Variants in DAB1 observed in about 807,000 individuals in gnomAD.
DAB1 encodes disabled homolog 1.
A neutral mutation model predicts 64.6 loss-of-function variants in DAB1; 15 were observed. The ratio of observed to expected loss-of-function variants is 0.23; its 90% CI spans 0.16 to 0.36. The LOEUF is 0.36. DAB1 is among the 10% of genes least tolerant of loss of function. The probability of loss-of-function intolerance (pLI) is 1.00; values close to 1 mark genes in which losing one functional copy is unlikely to be tolerated. For synonymous variants in DAB1, 235 were observed against 251.9 expected, an observed-to-expected ratio of 0.93 and a Z score of 0.64; for missense variants, 596 against 706.7, an observed-to-expected ratio of 0.84 and a Z score of 1.78.
chr1:57,943,529 C>A (rs557994166), intron 5 of DAB1, among the ~76,000 whole-genome samples: 2 of 152,272 alleles, frequency 1.3e-5, no homozygotes, highest in East Asian at 3.9e-4. Context: ...GATAAATTGG[C>A]CCGCATCATT....
intron 1 of DAB1, chr1:58,530,555 C>A: frequency 1.2e-6 from 1 of 824,994 alleles, no homozygotes; most frequent in Non-Finnish European, 2.1e-6. Flanking sequence ...ATTAAAATAT[C>A]TTCACCAGAG....
chr1:58,060,800 A>T (rs552039620), intron 5 of DAB1, among the ~76,000 whole-genome samples: 1 of 152,350 alleles, frequency 6.6e-6, no homozygotes, highest in Non-Finnish European at 1.5e-5. Flanking sequence ...TAGCCCGAGC[A>T]GTGTCTTCCA....
chr1:58,171,075 C>G (rs1052851522), intron 4 of DAB1, among the ~76,000 whole-genome samples: 6 of 152,180 alleles, frequency 3.9e-5, no homozygotes, highest in Non-Finnish European at 8.8e-5. Context: ...TTTTCACATG[C>G]CTTTCTTGTT....
At chr1:58,465,633 A>C (rs338248) in intron 3 of DAB1, among the ~76,000 whole-genome samples, 49,412 of 151,866 alleles carry the variant, frequency 0.33, 9,256 homozygotes, top group African/African-American at 0.51. Context: ...GTGGGAGTGC[A>C]CAGCTTTTAC....
At chr1:58,213,435 C>G (rs895232775) in intron 4 of DAB1, among the ~76,000 whole-genome samples, 3 of 152,120 alleles carry the variant, frequency 2.0e-5, no homozygotes, top group African/African-American at 7.2e-5. Context: ...GGAGGGACCT[C>G]AGGAAACCTA....
chr1:57,172,370 C>T (rs908071332), intron 2 of DAB1, among the ~76,000 whole-genome samples: 2 of 152,134 alleles, frequency 1.3e-5, no homozygotes, highest in East Asian at 3.9e-4. Flanking sequence ...AAAACAATTC[C>T]ATAAGAAAGA....
intron 5 of DAB1, among the ~76,000 whole-genome samples, chr1:58,091,410 C>T (rs926875984): frequency 6.6e-6 from 1 of 152,174 alleles, no homozygotes; most frequent in Non-Finnish European, 1.5e-5. Context: ...CAGAGCTCCC[C>T]ACATGTGTCC....
At chr1:57,466,714 A>G (rs1344630397) in intron 7 of DAB1, among the ~76,000 whole-genome samples, 2 of 152,146 alleles carry the variant, frequency 1.3e-5, no homozygotes, top group African/African-American at 4.8e-5. Flanking sequence ...TCAGCTTCCA[A>G]ACCTATTCAG....
chr1:57,320,319 TA>T (rs1675596857), intron 1 of DAB1, among the ~76,000 whole-genome samples: 1 of 152,194 alleles, frequency 6.6e-6, no homozygotes, highest in South Asian at 2.1e-4. Context: ...CAGTTGCAGG[TA>T]TTCTTTACAG....
chr1:57,813,927 G>A (rs1163266328), intron 6 of DAB1, among the ~76,000 whole-genome samples: 1 of 152,148 alleles, frequency 6.6e-6, no homozygotes, highest in East Asian at 1.9e-4. Context: ...TCTAATGAAA[G>A]AAAATAAATA....
At chr1:57,367,118 T>TA (rs200326231) in intron 1 of DAB1, among the ~76,000 whole-genome samples, 95 of 129,936 alleles carry the variant, frequency 7.3e-4, no homozygotes, top group Middle Eastern at 4.0e-3. Flanking sequence ...TAAAATAAAA[T>TA]AAATAAATTA....
At chr1:57,712,943 A>G (rs1372744124) in intron 6 of DAB1, among the ~76,000 whole-genome samples, 1 of 152,202 alleles carries the variant, frequency 6.6e-6, no homozygotes, top group Non-Finnish European at 1.5e-5. Context: ...TCAGGCATTC[A>G]TATTTTTCTC....
At chr1:57,432,960 T>C (rs1295537497) in intron 7 of DAB1, among the ~76,000 whole-genome samples, 5 of 152,034 alleles carry the variant, frequency 3.3e-5, no homozygotes, top group Non-Finnish European at 7.4e-5. Flanking sequence ...AGTTGAAAAA[T>C]GAAAACTTAA....
chr1:57,909,205 T>C (rs970465640), intron 5 of DAB1, among the ~76,000 whole-genome samples: 8 of 152,154 alleles, frequency 5.3e-5, no homozygotes, highest in African/African-American at 1.9e-4. Context: ...CAGTGTGTTG[T>C]ATGAACATGG....
chr1:57,762,280 C>A (rs1169446523), intron 6 of DAB1, among the ~76,000 whole-genome samples: 1 of 131,740 alleles, frequency 7.6e-6, no homozygotes, highest in Non-Finnish European at 1.6e-5. Flanking sequence ...TCCAAAATTA[C>A]TGGTAAAAGC....
intron 3 of DAB1, among the ~76,000 whole-genome samples, chr1:58,460,243 T>A (rs1207082079): frequency 2.0e-5 from 3 of 152,146 alleles, no homozygotes; most frequent in African/African-American, 7.2e-5. Context: ...GGTATTAAGA[T>A]GCCTGATCCT....
chr1:57,998,139 G>A (rs1319775425), intron 5 of DAB1, among the ~76,000 whole-genome samples: 2 of 152,252 alleles, frequency 1.3e-5, no homozygotes, highest in South Asian at 4.1e-4. Context: ...TGTCCTGCCA[G>A]AGACAATGTA....
chr1:57,234,269 G>A (rs1043575956), intron 2 of DAB1, among the ~76,000 whole-genome samples: 1 of 152,062 alleles, frequency 6.6e-6, no homozygotes, highest in Non-Finnish European at 1.5e-5. Flanking sequence ...TTATGGTCAG[G>A]ACATGAAAAT....
At chr1:58,082,839 C>T (rs1650081921) in intron 5 of DAB1, among the ~76,000 whole-genome samples, 1 of 152,092 alleles carries the variant, frequency 6.6e-6, no homozygotes, top group East Asian at 1.9e-4. Context: ...GGAGTTTGGA[C>T]ATCCATCGTC....
Sources: allele counts gnomAD v4.1 joint callset (sites outside exome capture counted in the v4.1 genomes callset), GRCh38; gene constraint gnomAD v4.1.1; transcripts MANE v1.5; gene names NCBI Gene and HGNC (gene_info 2026-07-23, HGNC 2026-07-21).